Variants in MFSD6 observed in about 807,000 individuals in gnomAD.
MFSD6 encodes the protein major facilitator superfamily domain-containing protein 6.
A neutral mutation model predicts 56.3 loss-of-function variants in MFSD6; 26 were observed. The observed-to-expected ratio is 0.46, with a 90% CI of 0.34 to 0.64. MFSD6 has a LOEUF of 0.64. Among genes scored for constraint, MFSD6 ranks in the 30% least tolerant of loss-of-function variants. MFSD6 has a pLI of 0.01. For missense variants in MFSD6, 750 were observed against 986.2 expected, an observed-to-expected ratio of 0.76 and a Z score of 3.21; for synonymous variants, 331 against 366.9, an observed-to-expected ratio of 0.90 and a Z score of 1.12.
In MFSD6 at chr2:190,417,964, T is replaced by TGG. The variant is rs1559101532; in HGVS notation, c.-54+2552_-54+2553dup. Among the ~76,000 whole-genome samples the TGG allele has an allele frequency of 2.2e-5, 2 of 89,314 alleles. No individual in the cohort carries two copies. The highest frequency in any genetic ancestry group is 7.0e-4 in the South Asian group (2 of 2,868). The allele number at this position is 89,314 out of a possible 152,430, so 58.6% of individuals were successfully genotyped here. ...TCTGACTTTTCATTTAACCCTTTAG[T>TGG]GGTGTGTGTGTGTGTGTGTGTGTGT... On this transcript the variant is annotated intron_variant, in intron 2 of 7. Transcript: ENST00000392328. This position sits in a 1 kb window ranked among gnomAD's most constrained non-coding sequence, Gnocchi z 5.7.
rs371325367 is a variant in MFSD6 at position 190,408,815 on chromosome 2, C to T, written c.-176+312C>T. Among the ~76,000 whole-genome samples the T allele has an allele frequency of 1.6e-4, 25 of 152,212 alleles. No individual in the cohort carries two copies. The East Asian group carries it at 2.5e-3, about 15-fold the overall frequency. On this transcript the variant is annotated intron_variant, in intron 1 of 7. Coordinates refer to ENST00000392328, the MANE Select transcript of MFSD6 (RefSeq NM_017694.4). ...GCTGGCAGCACTTCCGCAAACGTAA[C>T]TGGAGTCGGGAAAACAAAGGCGCTG...
intron 3 of MFSD6, among the ~76,000 whole-genome samples, chr2:190,445,816 A>G (rs1242601548): frequency 6.6e-6 from 1 of 152,194 alleles, no homozygotes; most frequent in African/African-American, 2.4e-5. Context: ...GTAATATGGA[A>G]AGAATAATGC....
In MFSD6 at chr2:190,456,920, T is replaced by C. The variant is rs561927696; in HGVS notation, c.1533-12838T>C. ...ACAACTGTTGAGTGGCATTTGCTTT[T>C]CTACTTTCCTCTTACCCCAGTCTTC... On this transcript the variant is annotated intron_variant, in intron 3 of 7. Transcript: ENST00000392328. This position sits in a 1 kb window ranked among gnomAD's most constrained non-coding sequence, Gnocchi z 5.4. Among the ~76,000 whole-genome samples, 7 of 152,310 alleles carry C rather than the reference T, an allele frequency of 4.6e-5. No homozygotes were observed. The highest frequency in any genetic ancestry group is 6.8e-3 in the Middle Eastern group (2 of 294).
chr2:190,441,052 A>G (rs948478681), intron 3 of MFSD6, among the ~76,000 whole-genome samples: 11 of 152,168 alleles, frequency 7.2e-5, no homozygotes, highest in African/African-American at 2.4e-4. Context: ...CGGGTGTTCA[A>G]TGTGAGCTGG....
rs1227010975 is a variant in MFSD6, at chr2:190,423,295, A to G, written c.-54+7882A>G. Among the ~76,000 whole-genome samples, 1 of 151,570 alleles carries G rather than the reference A, an allele frequency of 6.6e-6. No homozygotes were observed. Among genetic ancestry groups the G allele is most frequent in the South Asian group, 2.1e-4 (1 of 4,794 alleles). On this transcript the variant is annotated intron_variant, in intron 2 of 7. Coordinates refer to ENST00000392328, the MANE Select transcript of MFSD6 (RefSeq NM_017694.4). This position sits in a 1 kb window ranked among gnomAD's most constrained non-coding sequence, Gnocchi z 4.3. Reference sequence around the variant, plus strand: ...CCACCTCTACTTCCCTCCTGTCCCCACTCTCTAGTGAATTCCTGGCAATCA... The same window carrying G: ...CCACCTCTACTTCCCTCCTGTCCCCGCTCTCTAGTGAATTCCTGGCAATCA...
intron 3 of MFSD6, among the ~76,000 whole-genome samples, chr2:190,445,496 C>T (rs1377549971): frequency 2.8e-5 from 3 of 106,312 alleles, no homozygotes; most frequent in East Asian, 2.8e-4. Context: ...TTAAAGAACA[C>T]GAATTTTTTT....
At chr2:190,481,651 A>G (rs892890071) in intron 4 of MFSD6, among the ~76,000 whole-genome samples, 1 of 152,214 alleles carries the variant, frequency 6.6e-6, no homozygotes, top group Non-Finnish European at 1.5e-5. Flanking sequence ...GCATATTGTC[A>G]TATTTTCAAA....
In MFSD6 at chr2:190,457,937, T is replaced by C. The variant is rs151071853; in HGVS notation, c.1533-11821T>C. ...TGACCTCAACCACTGGAAAAGCAAATAGCAATTCATGAAATAAAGTAAATG... is the reference window on the plus strand; with the variant it reads ...TGACCTCAACCACTGGAAAAGCAAACAGCAATTCATGAAATAAAGTAAATG... On this transcript the variant is annotated intron_variant, in intron 3 of 7. Transcript: ENST00000392328. The surrounding 1 kb of genome is among the most constrained non-coding windows in gnomAD (Gnocchi z 5.1). 5.9e-3 allele frequency among the ~76,000 whole-genome samples: 905 copies of C among 152,280 alleles called. 3 individuals carry two copies. Among genetic ancestry groups the C allele is most frequent in the Non-Finnish European group, 9.8e-3 (667 of 68,016 alleles).
chr2:190,476,640 G>C (rs7601745), intron 4 of MFSD6, among the ~76,000 whole-genome samples: 45,367 of 152,048 alleles, frequency 0.3, 7,510 homozygotes, highest in East Asian at 0.46. Flanking sequence ...GTGGAAGTCA[G>C]TGTGGCGATT....
At position 190,496,051 on chromosome 2, in the gene MFSD6, G is replaced by T. The variant is rs560174601; in HGVS notation, c.1892-1388G>T. Among the ~76,000 whole-genome samples the T allele has an allele frequency of 9.2e-4, 140 of 152,038 alleles. No homozygotes were observed. The highest frequency in any genetic ancestry group is 1.7e-3 in the Non-Finnish European group (115 of 67,988). ...AAAGGAACAGTCAGCAGAGTAAACA[G>T]ACAACCCACAGAGTGGGAGAAAATC... On this transcript the variant is annotated intron_variant, in intron 6 of 7. Coordinates refer to ENST00000392328, the MANE Select transcript of MFSD6 (RefSeq NM_017694.4). The surrounding 1 kb of genome is among the most constrained non-coding windows in gnomAD (Gnocchi z 4.7).
In MFSD6 at chr2:190,416,320, C is replaced by G. The variant is rs192916388; in HGVS notation, c.-54+907C>G. ...AGATCAAAATAATTTGTTCCTTTTT[C>G]ACCCTGTTAGCAAGTTGAAAGGAAA... On this transcript the variant is annotated intron_variant, in intron 2 of 7. Coordinates refer to ENST00000392328, the MANE Select transcript of MFSD6 (RefSeq NM_017694.4). This position sits in a 1 kb window ranked among gnomAD's most constrained non-coding sequence, Gnocchi z 4.1. Among the ~76,000 whole-genome samples, 98 of 152,244 alleles carry G rather than the reference C, an allele frequency of 6.4e-4. No homozygotes were observed. Among genetic ancestry groups the G allele is most frequent in the African/African-American group, 2.2e-3 (91 of 41,548 alleles).
At position 190,425,503 on chromosome 2, in the gene MFSD6, C is replaced by T. The variant is rs566364292; in HGVS notation, c.-54+10090C>T. 4.4e-4 allele frequency among the ~76,000 whole-genome samples: 67 copies of T among 152,208 alleles called. No individual in the cohort carries two copies. Among genetic ancestry groups the T allele is most frequent in the African/African-American group, 1.5e-3 (64 of 41,534 alleles). On this transcript the variant is annotated intron_variant, in intron 2 of 7. Transcript: ENST00000392328. This position sits in a 1 kb window ranked among gnomAD's most constrained non-coding sequence, Gnocchi z 4.3. ...GATCTTTATCAAATTGAGAACATTC[C>T]CCTCTGTTCTTAGTTTTCTGAGACT... is the stretch of plus-strand genomic sequence containing the variant.
chr2:190,469,532 G>A lies in MFSD6; in HGVS notation c.1533-226G>A. The A allele has an allele frequency of 4.3e-6, 1 of 234,242 alleles. No homozygotes were observed. Among genetic ancestry groups the A allele is most frequent in the Non-Finnish European group, 8.1e-6 (1 of 123,866 alleles). 14.5% of individuals were successfully genotyped at this position (234,242 alleles called of 1,614,324 possible). A position where few individuals can be genotyped will look rare whatever the true frequency, so the allele number is the denominator to read the frequency against. On this transcript the variant is annotated intron_variant, in intron 3 of 7. Transcript: ENST00000392328. This position sits in a 1 kb window ranked among gnomAD's most constrained non-coding sequence, Gnocchi z 5.3. ...AAGCATTTTGAAAAGGCTGAGGGCA[G>A]ATATGTTAGAAGCCATCTTCTTATT...
chr2:190,455,035 A>G (rs1191502768), intron 3 of MFSD6, among the ~76,000 whole-genome samples: 1 of 147,876 alleles, frequency 6.8e-6, no homozygotes, highest in African/African-American at 2.6e-5. Flanking sequence ...GTTGGTAAGC[A>G]GATCCACCAT....
chr2:190,467,184 C>T lies in MFSD6; in HGVS notation c.1533-2574C>T, dbSNP rs1177240527. Among the ~76,000 whole-genome samples the T allele has an allele frequency of 6.6e-6, 1 of 152,212 alleles. No individual in the cohort carries two copies. Among genetic ancestry groups the T allele is most frequent in the Admixed American group, 6.5e-5 (1 of 15,290 alleles). ...GGAATGAGTTAGACCACTGGTTCTC[C>T]ACCCTGGCTCAGTAAGAGAACAACC... On this transcript the variant is annotated intron_variant, in intron 3 of 7. Transcript: ENST00000392328. This position sits in a 1 kb window ranked among gnomAD's most constrained non-coding sequence, Gnocchi z 5.5.
chr2:190,475,612 A>T (rs1246045547), intron 4 of MFSD6, among the ~76,000 whole-genome samples: 2 of 152,248 alleles, frequency 1.3e-5, no homozygotes, highest in Admixed American at 1.3e-4. Flanking sequence ...GGAAGAATCA[A>T]TATCGTGAAA....
intron 2 of MFSD6, among the ~76,000 whole-genome samples, chr2:190,432,354 C>T (rs1385047128): frequency 1.3e-5 from 2 of 152,194 alleles, no homozygotes; most frequent in African/African-American, 4.8e-5. Context: ...GCCCTGCTTT[C>T]AGCATGGCAC....
At position 190,431,166 on chromosome 2, in the gene MFSD6, T is replaced by A. The variant is rs927190044; in HGVS notation, c.-53-4811T>A. Among the ~76,000 whole-genome samples, 1 of 150,428 alleles carries A rather than the reference T, an allele frequency of 6.6e-6. No individual in the cohort carries two copies. The highest frequency in any genetic ancestry group is 1.5e-5 in the Non-Finnish European group (1 of 67,836). The stretch of plus-strand genomic sequence containing the variant: ...ACGATGGGCAGCCAGGCAGAGACGC[T>A]CCTCACTTCCCAGATGGGATGGTGG... On this transcript the variant is annotated intron_variant, in intron 2 of 7. Transcript: ENST00000392328. This position sits in a 1 kb window ranked among gnomAD's most constrained non-coding sequence, Gnocchi z 4.4.
chr2:190,449,397 T>C (rs1394343584), intron 3 of MFSD6, among the ~76,000 whole-genome samples: 4 of 151,846 alleles, frequency 2.6e-5, no homozygotes. Context: ...TCACTTGAAC[T>C]TGGGAGATGG....
Sources: allele counts gnomAD v4.1 joint callset (sites outside exome capture counted in the v4.1 genomes callset), GRCh38; gene constraint gnomAD v4.1.1; non-coding constraint Gnocchi (gnomAD v3.1); transcripts MANE v1.5; gene names NCBI Gene and HGNC (gene_info 2026-07-23, HGNC 2026-07-21).